The following NEBL variants were observed in gnomAD, a reference collection of about 807,000 sequenced individuals.
The protein encoded by NEBL is LIM and SH3 protein 2.
NEBL carries 122 observed loss-of-function variants against 140.2 expected under a neutral mutation model. The ratio of observed to expected loss-of-function variants is 0.87; its 90% CI spans 0.75 to 1.01. The LOEUF is 1.01. Ranked by LOEUF, NEBL falls within the 50% of genes least tolerant of loss-of-function variation. The probability of loss-of-function intolerance (pLI) is 0.00; values close to 1 mark genes in which losing one functional copy is unlikely to be tolerated. For missense variants in NEBL, 1,365 were observed against 1,231.3 expected, an observed-to-expected ratio of 1.11 and a Z score of -1.62; for synonymous variants, 436 against 398.9, an observed-to-expected ratio of 1.09 and a Z score of -1.11.
chr10:21,186,504 T>C (rs1841474202), intron 3 of NEBL, among the ~76,000 whole-genome samples: 1 of 152,120 alleles, frequency 6.6e-6, no homozygotes, highest in African/African-American at 2.4e-5. Context: ...TAAAATGGTG[T>C]AGTATTTGCA....
At chr10:21,056,489 T>C (rs1321416290) in intron 2 of NEBL, among the ~76,000 whole-genome samples, 1 of 152,194 alleles carries the variant, frequency 6.6e-6, no homozygotes, top group Non-Finnish European at 1.5e-5. Flanking sequence ...TCAGTATATG[T>C]AGCCAGTGGG....
chr10:21,134,954 T>C (rs1839283347), intron 2 of NEBL, among the ~76,000 whole-genome samples: 1 of 152,206 alleles, frequency 6.6e-6, no homozygotes, highest in South Asian at 2.1e-4. Context: ...ACACACTTAA[T>C]ATTTTATGCC....
intron 2 of NEBL, chr10:21,110,957 A>G: frequency 2.4e-6 from 1 of 416,990 alleles, no homozygotes; most frequent in Non-Finnish European, 4.7e-6. Context: ...TAACAGACAA[A>G]TAGGGAGCCA....
rs759071166 is a variant in NEBL at position 20,852,663 on chromosome 10, T to G, written c.904-14A>C. The G allele has an allele frequency of 1.3e-6, 2 of 1,569,560 alleles. No individual in the cohort carries two copies. On this transcript the variant is annotated splice_polypyrimidine_tract_variant and intron_variant, in intron 9 of 27. Coordinates refer to ENST00000377122, the MANE Select transcript of NEBL (RefSeq NM_006393.3). ...TTTATATTCTCGCTAAAATACAGAA[T>G]GGGGAAATCAACTTAGAATCAAAGA...
At chr10:21,001,936 T>C (rs1837920361) in intron 3 of NEBL, among the ~76,000 whole-genome samples, 1 of 152,204 alleles carries the variant, frequency 6.6e-6, no homozygotes, top group Non-Finnish European at 1.5e-5. Flanking sequence ...TTCTCATTTG[T>C]GGATTGAGCT....
At chr10:20,911,135 G>C (rs1848314947) in intron 4 of NEBL, among the ~76,000 whole-genome samples, 1 of 152,126 alleles carries the variant, frequency 6.6e-6, no homozygotes, top group Non-Finnish European at 1.5e-5. Flanking sequence ...CTGCACTCCA[G>C]CCTGGGCAAC....
At chr10:21,120,393 CATATATATATATAT>C (rs1201775144) in intron 2 of NEBL, among the ~76,000 whole-genome samples, 12 of 59,514 alleles carry the variant, frequency 2.0e-4, no homozygotes, top group Admixed American at 1.7e-3. Flanking sequence ...AAAAAAAATA[CATATATATATATAT>C]ATATATATAT....
chr10:20,800,791 T>C (rs924754732), intron 26 of NEBL, among the ~76,000 whole-genome samples: 1 of 151,810 alleles, frequency 6.6e-6, no homozygotes, highest in African/African-American at 2.4e-5. Flanking sequence ...TCTTGATGCC[T>C]GAGGAGTCAA....
chr10:21,090,262 A>C (rs1163238392), intron 2 of NEBL, among the ~76,000 whole-genome samples: 1 of 152,234 alleles, frequency 6.6e-6, no homozygotes, highest in Non-Finnish European at 1.5e-5. Flanking sequence ...ATACATGGAT[A>C]TCTTCTAAAT....
At chr10:20,802,864 G>GA (rs1345544638) in intron 26 of NEBL, among the ~76,000 whole-genome samples, 1 of 151,962 alleles carries the variant, frequency 6.6e-6, no homozygotes, top group Admixed American at 6.6e-5. Context: ...AGAAAAGAAA[G>GA]AAAAAAAGTT....
In NEBL at chr10:20,812,860, C is replaced by T. The variant is rs1244911600; in HGVS notation, c.2427G>A (p.Val809=). Reference sequence around the variant, plus strand: ...CGCTGACCACCTGGGTGTTCTTCCTCACTCTCTCTGTCACAGGATCGTCCA... The same window carrying T: ...CGCTGACCACCTGGGTGTTCTTCCTTACTCTCTCTGTCACAGGATCGTCCA... ...PVVDDPVTER[V]RKNTQVVSDA... is the part of the protein sequence containing the mutation. The change falls in exon 24 of 28, where the codon GTG becomes GTA. Residue 809 remains valine, a synonymous_variant. Coordinates refer to ENST00000377122, the MANE Select transcript of NEBL (RefSeq NM_006393.3). 2 of 1,614,030 alleles carry T rather than the reference C, an allele frequency of 1.2e-6. No individual in the cohort carries two copies. The highest frequency in any genetic ancestry group is 1.1e-5 in the South Asian group (1 of 91,082).
chr10:21,232,837 C>T (rs1842283910), intron 3 of NEBL, among the ~76,000 whole-genome samples: 1 of 152,136 alleles, frequency 6.6e-6, no homozygotes, highest in African/African-American at 2.4e-5. Flanking sequence ...GAAAACTAGA[C>T]CACAAAAAGC....
chr10:20,972,520 G>A (rs889617949), intron 3 of NEBL, among the ~76,000 whole-genome samples: 3 of 152,092 alleles, frequency 2.0e-5, no homozygotes, highest in East Asian at 1.9e-4. Flanking sequence ...CAAGGTGGGC[G>A]GATCATGAGG....
intron 26 of NEBL, among the ~76,000 whole-genome samples, chr10:20,791,054 T>C (rs188290993): frequency 1.5e-3 from 229 of 152,340 alleles, no homozygotes; most frequent in Non-Finnish European, 2.7e-3. Context: ...ACAGGTTGTT[T>C]TATGTCAACA....
At chr10:20,899,623 A>G (rs549495593), upstream of NEBL, 6 of 322,634 alleles carry the variant, frequency 1.9e-5, no homozygotes, top group African/African-American at 1.3e-4. Flanking sequence ...CACAGATGAC[A>G]AAATGAAGGC....
At chr10:21,029,488 A>G in intron 2 of NEBL, 1 of 1,611,544 alleles carries the variant, frequency 6.2e-7, no homozygotes, top group Non-Finnish European at 8.5e-7. Flanking sequence ...TCTAGGTAAC[A>G]GGAGAATTCG....
chr10:21,086,800 A>T (rs1218650592), intron 2 of NEBL, among the ~76,000 whole-genome samples: 1 of 152,128 alleles, frequency 6.6e-6, no homozygotes, highest in African/African-American at 2.4e-5. Context: ...AAAATAAATT[A>T]CTGGAAATCA....
chr10:21,273,703 TCA>T (rs1842885314), intron 1 of NEBL, among the ~76,000 whole-genome samples: 1 of 152,226 alleles, frequency 6.6e-6, no homozygotes, highest in African/African-American at 2.4e-5. Context: ...AGTCCTGCCC[TCA>T]GGGGCTCAGA....
intron 2 of NEBL, among the ~76,000 whole-genome samples, chr10:21,046,800 C>A (rs973301109): frequency 2.0e-5 from 3 of 152,104 alleles, no homozygotes; most frequent in South Asian, 4.1e-4. Context: ...GATGGGGTTT[C>A]ACCATGTTAG....
Sources: allele counts gnomAD v4.1 joint callset (sites outside exome capture counted in the v4.1 genomes callset), GRCh38; gene constraint gnomAD v4.1.1; transcripts MANE v1.5; gene names NCBI Gene and HGNC (gene_info 2026-07-23, HGNC 2026-07-21).